Variants in ARHGAP8 observed in about 807,000 individuals in gnomAD.
ARHGAP8 encodes rho GTPase-activating protein 8.
In ARHGAP8, 62 loss-of-function variants were observed where a neutral mutation model predicts 46.1. That is an observed-to-expected ratio of 1.34 (90% confidence interval 1.10 to 1.66). The LOEUF (loss-of-function observed/expected upper bound fraction) is 1.66, where lower values mean the gene tolerates loss of function less well. Ranked by LOEUF, ARHGAP8 falls within the 40% of genes most tolerant of loss-of-function variation. The pLI, the probability that ARHGAP8 is intolerant of heterozygous loss-of-function variation, is 0.00. For missense variants in ARHGAP8, 923 were observed against 568.4 expected (o/e 1.62, Z -6.34); for synonymous variants, 375 against 243.1 (o/e 1.54, Z -5.05).
chr22:44,776,294 T>A (rs62228535), intron 1 of ARHGAP8, among the ~76,000 whole-genome samples: 72 of 152,002 alleles, frequency 4.7e-4, no homozygotes, highest in Admixed American at 1.2e-3. Flanking sequence ...CTACTAAAAA[T>A]ACAAAAAATT....
At chr22:44,858,080 C>T (rs1198470670) in intron 10 of ARHGAP8, among the ~76,000 whole-genome samples, 4 of 152,206 alleles carry the variant, frequency 2.6e-5, no homozygotes, top group South Asian at 2.1e-4. Flanking sequence ...ATTCCTTGTC[C>T]ATTCAAATGA....
At chr22:44,766,647 T>C (rs1441757314) in intron 1 of ARHGAP8, among the ~76,000 whole-genome samples, 1 of 152,184 alleles carries the variant, frequency 6.6e-6, no homozygotes, top group Non-Finnish European at 1.5e-5. Context: ...CGCCTGCCTG[T>C]CTTCCTGGGG....
intron 7 of ARHGAP8, among the ~76,000 whole-genome samples, chr22:44,839,438 G>A (rs2147148190): frequency 6.6e-6 from 1 of 152,334 alleles, no homozygotes; most frequent in Non-Finnish European, 1.5e-5. Context: ...AAGTGGATTA[G>A]CAGATTCCTC....
intron 2 of ARHGAP8, among the ~76,000 whole-genome samples, chr22:44,791,020 A>G (rs1252157976): frequency 6.6e-6 from 1 of 151,966 alleles, no homozygotes; most frequent in Non-Finnish European, 1.5e-5. Flanking sequence ...GGCGTGAGCC[A>G]CCGCACCTGG....
At chr22:44,790,755 C>T (rs183016533) in intron 2 of ARHGAP8, among the ~76,000 whole-genome samples, 14 of 133,244 alleles carry the variant, frequency 1.1e-4, no homozygotes, top group Admixed American at 2.3e-4. Flanking sequence ...TTTTTGGAGA[C>T]GGAGTCTTGC....
At position 44,844,265 on chromosome 22, in the gene ARHGAP8, C is replaced by T. The variant is rs182802841; in HGVS notation, c.597-1004C>T. 1.3e-3 allele frequency among the ~76,000 whole-genome samples: 192 copies of T among 151,984 alleles called. 2 individuals are homozygous for T. The highest frequency in any genetic ancestry group is 1.0e-2 in the Admixed American group (152 of 15,258). On this transcript the variant is annotated intron_variant, in intron 7 of 11. Transcript: ENST00000356099. ...AATTACAGGCGTGAGCTACTGTGCC[C>T]GGCCACATCTAATATATTAATAGAG...
chr22:44,819,841 G>A (rs926758424), intron 5 of ARHGAP8, among the ~76,000 whole-genome samples: 2 of 152,158 alleles, frequency 1.3e-5, no homozygotes, highest in Non-Finnish European at 2.9e-5. Context: ...CGCCCAAGTC[G>A]CACCATGAGA....
chr22:44,781,553 C>T (rs1003947105), intron 1 of ARHGAP8, among the ~76,000 whole-genome samples: 2 of 152,054 alleles, frequency 1.3e-5, no homozygotes, highest in Non-Finnish European at 2.9e-5. Context: ...GACAGAGTTT[C>T]ACTCTTGTTG....
chr22:44,816,548 C>A (rs952757031), intron 5 of ARHGAP8, among the ~76,000 whole-genome samples: 4 of 152,158 alleles, frequency 2.6e-5, no homozygotes, highest in Non-Finnish European at 5.9e-5. Context: ...CACAGTGGCT[C>A]ATGCTACTAA....
intron 10 of ARHGAP8, chr22:44,850,906 G>A (rs1266357308): frequency 6.8e-6 from 1 of 146,278 alleles, no homozygotes; most frequent in African/African-American, 2.6e-5. Context: ...AGAGGTTGTA[G>A]TGAGCCAGGA....
At chr22:44,755,696 T>C (rs1924613918) in intron 1 of ARHGAP8, among the ~76,000 whole-genome samples, 2 of 152,196 alleles carry the variant, frequency 1.3e-5, no homozygotes, top group South Asian at 4.1e-4. Flanking sequence ...AGTGACTCTC[T>C]CTCCAAGTTA....
chr22:44,812,787 C>G (rs565444714), intron 4 of ARHGAP8, among the ~76,000 whole-genome samples: 2 of 152,270 alleles, frequency 1.3e-5, no homozygotes, highest in African/African-American at 4.8e-5. Context: ...CATATGATGG[C>G]AGCCAATGGT....
chr22:44,786,314 G>C (rs55667614), intron 1 of ARHGAP8, 143 bp from the exon 2 acceptor site: 10 of 988,970 alleles, frequency 1.0e-5, no homozygotes, highest in South Asian at 6.9e-5. Flanking sequence ...GGCAGGGCGC[G>C]TAGTGGGTGC....
rs113804035 is a variant in ARHGAP8 at position 44,848,313 on chromosome 22, C to T, written c.748+263C>T. The stretch of plus-strand genomic sequence containing the variant: ...TGCCTTTAGGGTCTCTCCATCCACA[C>T]CACGTGGCACGTGCTTTCAGGAGAC... On this transcript the variant is annotated intron_variant, in intron 9 of 11. Transcript: ENST00000356099. 4.9e-3 allele frequency among the ~76,000 whole-genome samples: 739 copies of T among 152,226 alleles called. 4 individuals carry two copies. Among genetic ancestry groups the T allele is most frequent in the Non-Finnish European group, 6.6e-3 (451 of 68,026 alleles).
chr22:44,767,901 G>A (rs1238603969), intron 1 of ARHGAP8, among the ~76,000 whole-genome samples: 2 of 140,628 alleles, frequency 1.4e-5, no homozygotes, highest in African/African-American at 5.2e-5. Context: ...ATTTAAAAAT[G>A]ACATCAACAT....
intron 10 of ARHGAP8, among the ~76,000 whole-genome samples, chr22:44,857,724 G>A (rs1353087238): frequency 6.6e-6 from 1 of 152,184 alleles, no homozygotes; most frequent in East Asian, 1.9e-4. Flanking sequence ...AGAAAGGGGA[G>A]GTCAGAGAGT....
At chr22:44,838,406 G>T (rs1054988597) in intron 7 of ARHGAP8, among the ~76,000 whole-genome samples, 4 of 152,130 alleles carry the variant, frequency 2.6e-5, no homozygotes, top group African/African-American at 9.7e-5. Flanking sequence ...AAAGTGCTGG[G>T]ACTACAGGCG....
chr22:44,825,743 A>T lies in ARHGAP8; in HGVS notation c.596+150A>T, dbSNP rs972625866. ...AAGATAAAGCCTGAGCTCATCACTGAGGCCGTGGCTCGCTGCTCAGTGCCT... is the reference window on the plus strand; with the variant it reads ...AAGATAAAGCCTGAGCTCATCACTGTGGCCGTGGCTCGCTGCTCAGTGCCT... On this transcript the variant is annotated intron_variant, in intron 7 of 11. Transcript: ENST00000356099. 4.9e-6 allele frequency: 5 copies of T among 1,011,096 alleles called. No homozygotes were observed. The Admixed American group carries it at 1.5e-4, about 30-fold the overall frequency. The allele number at this position is 1,011,096 out of a possible 1,614,324, so 62.6% of individuals were successfully genotyped here.
At chr22:44,758,945 T>C (rs1482567718) in intron 1 of ARHGAP8, among the ~76,000 whole-genome samples, 1 of 152,148 alleles carries the variant, frequency 6.6e-6, no homozygotes, top group Non-Finnish European at 1.5e-5. Context: ...TTACCATTTT[T>C]TTAGGCGGGA....
Sources: gnomAD v4.1 joint callset for allele counts (sites outside exome capture counted in the v4.1 genomes callset) on GRCh38, gnomAD v4.1.1 for gene constraint, MANE v1.5 for transcripts, NCBI Gene and HGNC (gene_info 2026-07-23, HGNC 2026-07-21) for gene names.